ADARB2: variants seen among roughly 807,000 people sequenced by gnomAD.
ADARB2 encodes adenosine deaminase RNA specific B2 (inactive), also known as inactive double-stranded RNA-specific editase B2.
In ADARB2, 25 loss-of-function variants were observed where a neutral mutation model predicts 62.2. The observed-to-expected ratio is 0.40, with a 90% confidence interval of 0.29 to 0.56. ADARB2 has a LOEUF of 0.56. Ranked by LOEUF, ADARB2 falls within the 20% of genes least tolerant of loss-of-function variation. The pLI is 0.43. For synonymous variants in ADARB2, 572 were observed against 500.8 expected, an observed-to-expected ratio of 1.14 and a Z score of -1.90; for missense variants, 1,071 against 1,077.4, an observed-to-expected ratio of 0.99 and a Z score of 0.08.
At chr10:1,660,767 TG>T (rs1227620499) in intron 1 of ADARB2, among the ~76,000 whole-genome samples, 4 of 152,222 alleles carry the variant, frequency 2.6e-5, no homozygotes, top group African/African-American at 9.6e-5. Flanking sequence ...ATCCGCACTG[TG>T]TCAGTATACG....
At chr10:1,389,812 G>A (rs1005272493) in intron 1 of ADARB2, among the ~76,000 whole-genome samples, 2 of 151,704 alleles carry the variant, frequency 1.3e-5, no homozygotes, top group East Asian at 1.9e-4. Flanking sequence ...GGCTGACGGC[G>A]CTACATGTTT....
chr10:1,362,194 C>T (rs544411583), intron 3 of ADARB2, among the ~76,000 whole-genome samples: 1 of 152,366 alleles, frequency 6.6e-6, no homozygotes, highest in East Asian at 1.9e-4. Context: ...TCTCCATTTA[C>T]ACAGGGCCTA....
In ADARB2 at chr10:1,561,800, T is replaced by C. The variant is rs866644056; in HGVS notation, c.100+175251A>G. ...TCCTTGGCACTCAGGATCCTCCCGA[T>C]GTGGCCTAGAGCCGCTTTCCCCAGC... On this transcript the variant is annotated intron_variant, in intron 1 of 9. Coordinates refer to ENST00000381312, the MANE Select transcript of ADARB2 (RefSeq NM_018702.4). Among the ~76,000 whole-genome samples the C allele has an allele frequency of 2.0e-5, 3 of 152,200 alleles. No homozygotes were observed. In the South Asian group the frequency reaches 6.2e-4, roughly 32 times the overall value.
intron 1 of ADARB2, among the ~76,000 whole-genome samples, chr10:1,665,330 G>A (rs149327312): frequency 0.014 from 2,082 of 152,354 alleles, 32 homozygotes; most frequent in African/African-American, 0.035. Context: ...GGCGTTGTGC[G>A]CAGACACTGA....
At chr10:1,687,553 C>T (rs1457491948) in intron 1 of ADARB2, among the ~76,000 whole-genome samples, 4 of 151,848 alleles carry the variant, frequency 2.6e-5, no homozygotes, top group Non-Finnish European at 5.9e-5. Flanking sequence ...TCATTATTCT[C>T]TTTGATTGAT....
At chr10:1,591,790 T>C (rs1275292024) in intron 1 of ADARB2, among the ~76,000 whole-genome samples, 1 of 152,208 alleles carries the variant, frequency 6.6e-6, no homozygotes, top group Non-Finnish European at 1.5e-5. Flanking sequence ...GAAAACTCCT[T>C]AGGGCAGGGA....
At chr10:1,681,496 A>C (rs11250725) in intron 1 of ADARB2, among the ~76,000 whole-genome samples, 24,066 of 151,516 alleles carry the variant, frequency 0.16, 2,042 homozygotes, top group Non-Finnish European at 0.19. Flanking sequence ...AAAAAAAAAA[A>C]CCCTAAACCA....
rs370627861 is a variant in ADARB2 at position 1,696,170 on chromosome 10, CTG to C, written c.100+40879_100+40880del. 1.3e-4 allele frequency among the ~76,000 whole-genome samples: 16 copies of C among 125,182 alleles called. 1 individual carries two copies. Among genetic ancestry groups the C allele is most frequent in the African/African-American group, 3.6e-4 (13 of 36,068 alleles). The allele number at this position is 125,182 out of a possible 152,430, so 82.1% of individuals were successfully genotyped here. ...ATTGTGTGTATGTGTTTGCATGTGT[CTG>C]TGTATGCACACATGCATATATGTGT... is the stretch of plus-strand genomic sequence containing the variant. On this transcript the variant is annotated intron_variant, in intron 1 of 9. Transcript: ENST00000381312.
intron 1 of ADARB2, among the ~76,000 whole-genome samples, chr10:1,526,009 A>G (rs1410776064): frequency 6.6e-6 from 1 of 152,076 alleles, no homozygotes; most frequent in African/African-American, 2.4e-5. Context: ...GCATGTATGC[A>G]CGTGTTTGTG....
At chr10:1,435,714 C>T (rs1453696418) in intron 1 of ADARB2, among the ~76,000 whole-genome samples, 3 of 152,212 alleles carry the variant, frequency 2.0e-5, no homozygotes, top group Non-Finnish European at 2.9e-5. Context: ...GCGTCCAGCT[C>T]GGGTCCTGTC....
intron 1 of ADARB2, among the ~76,000 whole-genome samples, chr10:1,389,672 G>A (rs1479902416): frequency 2.0e-5 from 3 of 152,074 alleles, no homozygotes; most frequent in Non-Finnish European, 4.4e-5. Flanking sequence ...GAACCGGGGA[G>A]GCAGAGGTTG....
chr10:1,190,916 G>A (rs981872065), intron 8 of ADARB2, among the ~76,000 whole-genome samples: 2 of 152,200 alleles, frequency 1.3e-5, no homozygotes, highest in Non-Finnish European at 2.9e-5. Context: ...AGTGAACTTC[G>A]GGACTGGTCT....
Position 1,593,097 on chromosome 10 carries a change from T to C in ADARB2, c.100+143954A>G, listed in dbSNP as rs1833282865. On this transcript the variant is annotated intron_variant, in intron 1 of 9. Coordinates refer to ENST00000381312, the MANE Select transcript of ADARB2 (RefSeq NM_018702.4). ...CTTCCCTCGCCCACGCCACCCTCCA[T>C]AGGTCTCCTCTCTGGCATGGTCCCC... 2.0e-5 allele frequency among the ~76,000 whole-genome samples: 2 copies of C among 101,570 alleles called. 1 individual carries two copies. 66.6% of individuals were successfully genotyped at this position (101,570 alleles called of 152,430 possible). A position where few individuals can be genotyped will look rare whatever the true frequency, so the allele number is the denominator to read the frequency against.
intron 6 of ADARB2, among the ~76,000 whole-genome samples, chr10:1,229,540 TG>T (rs774673571): frequency 6.8e-4 from 104 of 152,352 alleles, no homozygotes; most frequent in Non-Finnish European, 1.4e-3. Flanking sequence ...CCCTACTCTG[TG>T]TTCCTTCATT....
intron 1 of ADARB2, among the ~76,000 whole-genome samples, chr10:1,382,847 C>T (rs1254656456): frequency 6.6e-6 from 1 of 152,108 alleles, no homozygotes; most frequent in African/African-American, 2.4e-5. Flanking sequence ...AGGTGTTACT[C>T]TAGAAACGTC....
intron 4 of ADARB2, among the ~76,000 whole-genome samples, chr10:1,254,209 G>A (rs1831061172): frequency 6.6e-6 from 1 of 150,406 alleles, no homozygotes; most frequent in Non-Finnish European, 1.5e-5. Flanking sequence ...GGGCTCTGTG[G>A]TTAGGATGTG....
intron 1 of ADARB2, among the ~76,000 whole-genome samples, chr10:1,458,106 C>T (rs2813425): frequency 0.67 from 101,651 of 151,944 alleles, 34,762 homozygotes; most frequent in Non-Finnish European, 0.75. Flanking sequence ...TTTTCCCAGA[C>T]GCATCGTCAC....
At chr10:1,469,203 C>T (rs1047970345) in intron 1 of ADARB2, among the ~76,000 whole-genome samples, 4 of 152,212 alleles carry the variant, frequency 2.6e-5, no homozygotes, top group African/African-American at 9.6e-5. Context: ...GTTTCTACAG[C>T]AGAACTAACA....
intron 1 of ADARB2, among the ~76,000 whole-genome samples, chr10:1,475,042 G>T (rs1177629802): frequency 6.6e-6 from 1 of 152,060 alleles, no homozygotes; most frequent in Non-Finnish European, 1.5e-5. Context: ...GGACCCCCAC[G>T]GGCCGCTGCT....
Sources: gnomAD v4.1 joint callset for allele counts (sites outside exome capture counted in the v4.1 genomes callset) on GRCh38, gnomAD v4.1.1 for gene constraint, MANE v1.5 for transcripts, NCBI Gene and HGNC (gene_info 2026-07-23, HGNC 2026-07-21) for gene names.